Variants in TANC2 observed in about 807,000 individuals in gnomAD.
TANC2 encodes the protein tetratricopeptide repeat, ankyrin repeat and coiled-coil containing 2, also known as protein TANC2.
A neutral mutation model predicts 210.5 loss-of-function variants in TANC2; 26 were observed. The observed-to-expected ratio is 0.12, with a 90% confidence interval of 0.09 to 0.17. TANC2 has a LOEUF of 0.17. Ranked by LOEUF, TANC2 falls within the 10% of genes least tolerant of loss-of-function variation. The probability of loss-of-function intolerance (pLI) is 1.00; values close to 1 mark genes in which losing one functional copy is unlikely to be tolerated. For synonymous variants in TANC2, 931 were observed against 967.1 expected (o/e 0.96, Z 0.69); for missense variants, 2,129 against 2,608.9 (o/e 0.82, Z 4.01).
At chr17:63,395,580 T>A (rs1176374682) in intron 17 of TANC2, among the ~76,000 whole-genome samples, 163 bp from the exon 18 acceptor site, 2 of 152,194 alleles carry the variant, frequency 1.3e-5, no homozygotes, top group Non-Finnish European at 2.9e-5. Flanking sequence ...AGCTCAGTAA[T>A]AATCTAGGCT....
intron 21 of TANC2, 124 bp from the exon 22 acceptor site, chr17:63,411,387 T>G (rs2048698486): frequency 1.1e-6 from 1 of 950,864 alleles, no homozygotes; most frequent in Non-Finnish European, 1.6e-6. Flanking sequence ...AGCATCAGTC[T>G]TAAAATGGAA....
At chr17:63,417,785 A>G (rs1479623097) in intron 26 of TANC2, among the ~76,000 whole-genome samples, 1 of 152,006 alleles carries the variant, frequency 6.6e-6, no homozygotes, top group Non-Finnish European at 1.5e-5. Context: ...GGTCTGTCTG[A>G]CACCCCCTCT....
At position 63,099,373 on chromosome 17, in the gene TANC2, A is replaced by G. The variant is rs1270178094; in HGVS notation, c.322+16A>G. ...AAGTTAACTGGTAAGGACTTTACCT[A>G]AATTTAGTATGTTTAACAGGAAACC... On this transcript the variant is annotated intron_variant, in intron 4 of 27. Coordinates refer to ENST00000689528, the Ensembl canonical transcript of TANC2. 4.1e-6 allele frequency: 6 copies of G among 1,473,730 alleles called. No individual in the cohort carries two copies. The highest frequency in any genetic ancestry group is 5.4e-6 in the Non-Finnish European group (6 of 1,101,492). 91.3% of individuals were successfully genotyped at this position (1,473,730 alleles called of 1,614,324 possible).
intron 15 of TANC2, among the ~76,000 whole-genome samples, chr17:63,386,112 A>G (rs185070176): frequency 1.2e-4 from 19 of 152,350 alleles, no homozygotes; most frequent in African/African-American, 4.3e-4. Flanking sequence ...GGCATATTCT[A>G]TAGATATATA....
At chr17:63,264,947 A>G (rs2043479589) in intron 8 of TANC2, among the ~76,000 whole-genome samples, 1 of 152,204 alleles carries the variant, frequency 6.6e-6, no homozygotes, top group South Asian at 2.1e-4. Context: ...CGACAGAGTG[A>G]GACTTCGTCT....
chr17:63,407,861 T>G (rs902727411), intron 21 of TANC2, among the ~76,000 whole-genome samples: 2 of 152,032 alleles, frequency 1.3e-5, no homozygotes, highest in African/African-American at 2.4e-5. Flanking sequence ...GTAACATAGA[T>G]GAAAGGCCAA....
chr17:63,378,684 A>G (rs1198760881), intron 14 of TANC2, among the ~76,000 whole-genome samples: 2 of 152,234 alleles, frequency 1.3e-5, no homozygotes, highest in Non-Finnish European at 2.9e-5. Flanking sequence ...CAAGGAGATA[A>G]TGGGGAACAG....
chr17:63,222,868 A>AGG (rs1177551729), intron 7 of TANC2, among the ~76,000 whole-genome samples: 1 of 152,196 alleles, frequency 6.6e-6, no homozygotes, highest in Non-Finnish European at 1.5e-5. Context: ...AGTAGCCAAA[A>AGG]GGTGGCAACA....
intron 7 of TANC2, among the ~76,000 whole-genome samples, chr17:63,204,599 A>G (rs1281666847): frequency 6.8e-6 from 1 of 147,812 alleles, no homozygotes; most frequent in African/African-American, 2.5e-5. Flanking sequence ...CTCTGTTTCT[A>G]AAAAAAAAAG....
chr17:63,184,245 G>C (rs1458701797), intron 5 of TANC2, among the ~76,000 whole-genome samples: 1 of 152,048 alleles, frequency 6.6e-6, no homozygotes, highest in Non-Finnish European at 1.5e-5. Flanking sequence ...TCCCTCATCT[G>C]AGCAACTTAA....
At chr17:63,389,260 A>G (rs773165612) in intron 16 of TANC2, 48 bp from the exon 17 acceptor site, 22 of 1,421,974 alleles carry the variant, frequency 1.5e-5, no homozygotes, top group Admixed American at 1.4e-4. Context: ...GACTAAAAGG[A>G]TGTGACTCCT....
chr17:63,168,928 T>C (rs2040305226), intron 5 of TANC2, among the ~76,000 whole-genome samples: 1 of 152,220 alleles, frequency 6.6e-6, no homozygotes, highest in Non-Finnish European at 1.5e-5. Context: ...AGCTTAGACA[T>C]GTATGCTACT....
intron 5 of TANC2, among the ~76,000 whole-genome samples, chr17:63,157,380 T>C (rs2039875870): frequency 6.6e-6 from 1 of 152,242 alleles, no homozygotes; most frequent in African/African-American, 2.4e-5. Flanking sequence ...TCTGAAGGCT[T>C]GGCCTCTGAA....
intron 4 of TANC2, among the ~76,000 whole-genome samples, chr17:63,103,042 A>T (rs763659554): frequency 4.6e-5 from 7 of 152,094 alleles, no homozygotes; most frequent in Non-Finnish European, 1.0e-4. Flanking sequence ...CATATCAAGG[A>T]TTTGAGCATA....
At chr17:63,268,883 A>T (rs2043610685) in intron 9 of TANC2, among the ~76,000 whole-genome samples, 2 of 152,012 alleles carry the variant, frequency 1.3e-5, no homozygotes, top group Admixed American at 6.6e-5. Context: ...AATGAACCAA[A>T]CTGTCTCTGA....
At chr17:63,183,039 T>G (rs1029299094) in intron 5 of TANC2, among the ~76,000 whole-genome samples, 12 of 150,944 alleles carry the variant, frequency 7.9e-5, no homozygotes, top group African/African-American at 3.0e-4. Flanking sequence ...GTCTTAAACT[T>G]TTGAATTTAT....
chr17:63,010,659 C>T (rs1422725138), intron 2 of TANC2, among the ~76,000 whole-genome samples: 1 of 152,152 alleles, frequency 6.6e-6, no homozygotes, highest in Admixed American at 6.5e-5. Flanking sequence ...TACCCACAAC[C>T]TCTGTCCGAC....
At position 63,211,487 on chromosome 17, in the gene TANC2, AAT is replaced by A. The variant is rs63046260; in HGVS notation, c.769+10532_769+10533del. Reference sequence around the variant, plus strand: ...CTCTCCTCCCAACATTAGAGGAGATAATAGATTATCTCCTCTAATCTTTTATC... The same window carrying A: ...CTCTCCTCCCAACATTAGAGGAGATAAGATTATCTCCTCTAATCTTTTATC... On this transcript the variant is annotated intron_variant, in intron 7 of 27. Transcript: ENST00000689528. Among the ~76,000 whole-genome samples the A allele has an allele frequency of 5.9e-3, 900 of 152,090 alleles. 11 individuals are homozygous for A. Among genetic ancestry groups the A allele is most frequent in the African/African-American group, 0.02 (823 of 41,454 alleles).
intron 14 of TANC2, among the ~76,000 whole-genome samples, chr17:63,373,418 AT>A (rs1366898535): frequency 6.6e-6 from 1 of 151,982 alleles, no homozygotes. Flanking sequence ...ACAGTGGTGG[AT>A]TTTTTTTCAC....
Sources: allele counts gnomAD v4.1 joint callset (sites outside exome capture counted in the v4.1 genomes callset), GRCh38; gene constraint gnomAD v4.1.1; transcripts MANE v1.5; gene names NCBI Gene and HGNC (gene_info 2026-07-23, HGNC 2026-07-21).